The following RIMBP2 variants were observed in gnomAD, a reference collection of about 807,000 sequenced individuals.
The protein encoded by RIMBP2 is RIMS binding protein 2, also known as RIMS-binding protein 2.
RIMBP2 carries 48 observed loss-of-function variants against 118.6 expected under a neutral mutation model. The ratio of observed to expected loss-of-function variants is 0.40; its 90% CI spans 0.32 to 0.51. The LOEUF (loss-of-function observed/expected upper bound fraction) is 0.51. Among genes scored for constraint, RIMBP2 ranks in the 20% least tolerant of loss-of-function variants. The probability of loss-of-function intolerance (pLI) is 0.41; values close to 1 mark genes in which losing one functional copy is unlikely to be tolerated. For synonymous variants in RIMBP2, 762 were observed against 742.9 expected, an observed-to-expected ratio of 1.03 and a Z score of -0.42; for missense variants, 1,551 against 1,768.3, an observed-to-expected ratio of 0.88 and a Z score of 2.20.
intron 3 of RIMBP2, among the ~76,000 whole-genome samples, chr12:130,515,233 A>G (rs1025107156): frequency 6.6e-6 from 1 of 152,174 alleles, no homozygotes; most frequent in Non-Finnish European, 1.5e-5. Flanking sequence ...AAAATTTACC[A>G]TCTTAACTAT....
rs1252958705 is a variant in RIMBP2 at position 130,442,269 on chromosome 12, G to T, written c.1083C>A (p.Leu361=). 2 of 1,614,198 alleles carry T rather than the reference G, an allele frequency of 1.2e-6. No individual in the cohort carries two copies. Among genetic ancestry groups the T allele is most frequent in the Non-Finnish European group, 8.5e-7 (1 of 1,180,052 alleles). Reference sequence around the variant, plus strand: ...GGGCTTTAGTTCTGCTCCCCAGCGTGAGGTTCATGCGTGTCTCCTTGTCCA... The same window carrying T: ...GGGCTTTAGTTCTGCTCCCCAGCGTTAGGTTCATGCGTGTCTCCTTGTCCA... ...VLVDKETRMN[L]TLGSRTKALI... is the part of the protein sequence containing the mutation. The change falls in exon 11 of 23, where the codon CTC becomes CTA. Residue 361 remains leucine, a synonymous_variant. Coordinates refer to ENST00000690449, the MANE Select transcript of RIMBP2 (RefSeq NM_001393629.1). This position sits in a 1 kb window ranked among gnomAD's most constrained non-coding sequence, Gnocchi z 6.9.
At chr12:130,644,967 CCT>C (rs1428608126) in intron 1 of RIMBP2, among the ~76,000 whole-genome samples, 4 of 152,246 alleles carry the variant, frequency 2.6e-5, no homozygotes, top group African/African-American at 9.6e-5. Context: ...GGAGCCAGCG[CCT>C]AGTCTCTCAA....
chr12:130,551,382 T>C (rs932423645), intron 2 of RIMBP2, among the ~76,000 whole-genome samples: 16 of 152,206 alleles, frequency 1.1e-4, no homozygotes, highest in Admixed American at 1.0e-3. Flanking sequence ...ATTTGTGAGA[T>C]ATTTCTCACT....
chr12:130,517,949 T>C (rs2051648373), intron 2 of RIMBP2, 32 bp from the exon 3 acceptor site: 2 of 898,896 alleles, frequency 2.2e-6, no homozygotes, highest in Non-Finnish European at 2.7e-6. Flanking sequence ...TGTGAGATGG[T>C]GCCCCCATGT....
intron 7 of RIMBP2, 39 bp downstream of exon 7, chr12:130,456,457 C>G: frequency 6.6e-7 from 1 of 1,521,484 alleles, no homozygotes. Context: ...CGGCCATTCT[C>G]TCCCCACCAC....
rs773294139 is a variant in RIMBP2, at chr12:130,399,904, G to A, written c.3766-91C>T. On this transcript the variant is annotated intron_variant, in intron 21 of 22. Transcript: ENST00000690449. The stretch of plus-strand genomic sequence containing the variant: ...TAAAGGAATACAGCTCAGAGTACAG[G>A]TACATGGTGAGTTTATTCTGGTTCA... 38 of 1,397,660 alleles carry A rather than the reference G, an allele frequency of 2.7e-5. No individual in the cohort carries two copies. The East Asian group carries it at 3.9e-4, about 14-fold the overall frequency. 86.6% of individuals were successfully genotyped at this position (1,397,660 alleles called of 1,614,324 possible).
chr12:130,552,758 T>A (rs1011436782), intron 2 of RIMBP2, among the ~76,000 whole-genome samples: 6 of 152,144 alleles, frequency 3.9e-5, no homozygotes, highest in African/African-American at 1.4e-4. Context: ...AAAGTGAGAT[T>A]GTGTACATCC....
At chr12:130,504,212 T>C (rs1284318704) in intron 4 of RIMBP2, among the ~76,000 whole-genome samples, 1 of 152,190 alleles carries the variant, frequency 6.6e-6, no homozygotes, top group African/African-American at 2.4e-5. Flanking sequence ...TGTGATTTGG[T>C]GGCCCGGTCA....
intron 1 of RIMBP2, among the ~76,000 whole-genome samples, chr12:130,673,604 T>C (rs1414499058): frequency 6.6e-6 from 1 of 152,158 alleles, no homozygotes; most frequent in Non-Finnish European, 1.5e-5. Context: ...GCTTCGAGCC[T>C]GGATGAAAGG....
chr12:130,599,985 T>C (rs542050573), intron 2 of RIMBP2, among the ~76,000 whole-genome samples: 7 of 152,152 alleles, frequency 4.6e-5, no homozygotes, highest in Admixed American at 4.6e-4. Flanking sequence ...TATCAGAAAC[T>C]GAAAAGAATG....
In RIMBP2 at chr12:130,617,922, T is replaced by C. The variant is rs1399042557; in HGVS notation, c.-217+10400A>G. On this transcript the variant is annotated intron_variant, in intron 2 of 22. Transcript: ENST00000690449. This position sits in a 1 kb window ranked among gnomAD's most constrained non-coding sequence, Gnocchi z 4.6. ...AAACATCTAACTCGGCCGGGTGTGG[T>C]GGCCCACGCCTGTAATCCCAGTACC... Among the ~76,000 whole-genome samples, 34 of 149,298 alleles carry C rather than the reference T, an allele frequency of 2.3e-4. 1 individual carries two copies. The Admixed American group carries it at 2.3e-3, about 10-fold the overall frequency.
chr12:130,461,100 G>A (rs1361182345), intron 6 of RIMBP2, among the ~76,000 whole-genome samples: 3 of 152,280 alleles, frequency 2.0e-5, no homozygotes, highest in Middle Eastern at 3.4e-3. Flanking sequence ...GGCTCCACCC[G>A]TGACACTAGG....
intron 2 of RIMBP2, among the ~76,000 whole-genome samples, chr12:130,556,773 T>G (rs1224228544): frequency 6.6e-6 from 1 of 152,026 alleles, no homozygotes; most frequent in African/African-American, 2.4e-5. Context: ...AGAGCCCAAG[T>G]ATGCAGTGCA....
Position 130,620,674 on chromosome 12 carries a change from C to T in RIMBP2, c.-217+7648G>A, listed in dbSNP as rs1304410375. On this transcript the variant is annotated intron_variant, in intron 2 of 22. Transcript: ENST00000690449. The surrounding 1 kb of genome is among the most constrained non-coding windows in gnomAD (Gnocchi z 5.3). ...TTCGTGGCTCCTAGAAGCACCACCC[C>T]AATCCCTGCCAATGTTCTCTGCATC... Among the ~76,000 whole-genome samples the T allele has an allele frequency of 6.6e-6, 1 of 152,178 alleles. No individual in the cohort carries two copies. The highest frequency in any genetic ancestry group is 1.9e-4 in the East Asian group (1 of 5,182).
At chr12:130,448,317 C>A (rs1301415444) in intron 9 of RIMBP2, among the ~76,000 whole-genome samples, 1 of 152,150 alleles carries the variant, frequency 6.6e-6, no homozygotes, top group African/African-American at 2.4e-5. Flanking sequence ...TAGGGCAGCT[C>A]CCCCCAGAAA....
In RIMBP2 at chr12:130,710,846, A is replaced by G. The variant is rs565978174; in HGVS notation, c.-352+5376T>C. Reference sequence around the variant, plus strand: ...CTCTCCCTGCTCTACCTGCTCCTCCACAAGCCCCACTGCTCCCAATCCTCA... The same window carrying G: ...CTCTCCCTGCTCTACCTGCTCCTCCGCAAGCCCCACTGCTCCCAATCCTCA... On this transcript the variant is annotated intron_variant, in intron 1 of 22. Coordinates refer to ENST00000690449, the MANE Select transcript of RIMBP2 (RefSeq NM_001393629.1). This position sits in a 1 kb window ranked among gnomAD's most constrained non-coding sequence, Gnocchi z 4.3. 2.6e-5 allele frequency among the ~76,000 whole-genome samples: 4 copies of G among 152,320 alleles called. No homozygotes were observed. The South Asian group carries it at 8.3e-4, about 32-fold the overall frequency.
intron 7 of RIMBP2, 90 bp from the exon 8 acceptor site, chr12:130,451,430 C>T (rs2079004084): frequency 7.4e-7 from 1 of 1,344,380 alleles, no homozygotes; most frequent in South Asian, 1.4e-5. Context: ...GGTGCCTTTC[C>T]CCTCTTTGAC....
At chr12:130,574,568 C>G (rs549991319) in intron 2 of RIMBP2, among the ~76,000 whole-genome samples, 1 of 152,312 alleles carries the variant, frequency 6.6e-6, no homozygotes, top group East Asian at 1.9e-4. Flanking sequence ...ATCGCTGAAC[C>G]TGGTAGGCCG....
chr12:130,573,163 A>G (rs1435930491), intron 2 of RIMBP2, among the ~76,000 whole-genome samples: 2 of 152,132 alleles, frequency 1.3e-5, no homozygotes, highest in African/African-American at 2.4e-5. Context: ...TCCCAAAAAA[A>G]GGTATATATG....
Sources: gnomAD v4.1 joint callset for allele counts (sites outside exome capture counted in the v4.1 genomes callset) on GRCh38, gnomAD v4.1.1 for gene constraint, Gnocchi (gnomAD v3.1) non-coding constraint, MANE v1.5 for transcripts, NCBI Gene and HGNC (gene_info 2026-07-23, HGNC 2026-07-21) for gene names.